Variants in CRTC3 observed in about 807,000 individuals in gnomAD.
CRTC3 encodes CREB-regulated transcription coactivator 3.
Under a neutral mutation model 74.5 loss-of-function variants are expected in CRTC3, and 26 were observed. That is an observed-to-expected ratio of 0.35 (90% CI 0.26 to 0.48). CRTC3 has a LOEUF of 0.48. Ranked by LOEUF, CRTC3 falls within the 20% of genes least tolerant of loss-of-function variation. CRTC3 has a pLI of 0.99. For synonymous variants in CRTC3, 377 were observed against 325.8 expected (o/e 1.16, Z -1.69); for missense variants, 760 against 787.3 (o/e 0.97, Z 0.41).
intron 10 of CRTC3, among the ~76,000 whole-genome samples, chr15:90,627,061 GT>G (rs1248653600): frequency 2.0e-5 from 3 of 152,226 alleles, no homozygotes; most frequent in African/African-American, 7.2e-5. Context: ...TGAAAGCAGT[GT>G]TTGCTGCCTT....
intron 2 of CRTC3, among the ~76,000 whole-genome samples, chr15:90,564,431 C>A (rs1013452465): frequency 1.3e-5 from 2 of 152,166 alleles, no homozygotes; most frequent in African/African-American, 4.8e-5. Context: ...TTCTTAGGAA[C>A]TACTGAAGCT....
chr15:90,623,896 C>T (rs1456860956), intron 9 of CRTC3, among the ~76,000 whole-genome samples: 1 of 152,218 alleles, frequency 6.6e-6, no homozygotes, highest in East Asian at 1.9e-4. Context: ...CACCTCCCTG[C>T]TTTTGCGCAT....
chr15:90,576,749 A>C (rs1419686719), intron 2 of CRTC3, among the ~76,000 whole-genome samples: 2 of 152,214 alleles, frequency 1.3e-5, no homozygotes, highest in Non-Finnish European at 2.9e-5. Flanking sequence ...CCAGTGTTCC[A>C]AGAGGTCAGG....
intron 2 of CRTC3, among the ~76,000 whole-genome samples, chr15:90,573,714 TC>T (rs1967332382): frequency 6.6e-6 from 1 of 152,232 alleles, no homozygotes; most frequent in African/African-American, 2.4e-5. Flanking sequence ...TGTAATATGT[TC>T]TTTGATTTTA....
intron 2 of CRTC3, among the ~76,000 whole-genome samples, chr15:90,591,186 A>G (rs1967792280): frequency 1.3e-5 from 2 of 150,240 alleles, no homozygotes; most frequent in Non-Finnish European, 3.0e-5. Context: ...CTGGTCTTGA[A>G]CTCCTGGCCT....
At chr15:90,607,174 G>A (rs771316545) in intron 5 of CRTC3, among the ~76,000 whole-genome samples, 1 of 152,218 alleles carries the variant, frequency 6.6e-6, no homozygotes, top group Non-Finnish European at 1.5e-5. Context: ...ATGAGTCTAA[G>A]TTAAAATATT....
chr15:90,602,893 G>C (rs1444913290), intron 4 of CRTC3, among the ~76,000 whole-genome samples: 1 of 151,998 alleles, frequency 6.6e-6, no homozygotes, highest in Non-Finnish European at 1.5e-5. Context: ...AGAGTTGCTT[G>C]AACCAGAGAG....
intron 2 of CRTC3, among the ~76,000 whole-genome samples, chr15:90,591,227 G>T (rs546469115): frequency 1.3e-5 from 2 of 151,956 alleles, no homozygotes; most frequent in Admixed American, 1.3e-4. Flanking sequence ...TGCTCCCAAA[G>T]TGCTGGGACT....
At chr15:90,566,551 TAA>T (rs71154113) in intron 2 of CRTC3, among the ~76,000 whole-genome samples, 4 of 143,402 alleles carry the variant, frequency 2.8e-5, no homozygotes, top group East Asian at 2.1e-4. Flanking sequence ...CTCTGTCTAT[TAA>T]AAAAAAAAAA....
intron 1 of CRTC3, among the ~76,000 whole-genome samples, chr15:90,538,098 C>A (rs1446624705): frequency 6.6e-6 from 1 of 152,328 alleles, no homozygotes; most frequent in African/African-American, 2.4e-5. Context: ...ATACATTCAT[C>A]TTAGTAAGCC....
rs1264960698 is a variant in CRTC3 at position 90,626,007 on chromosome 15, G to T, written c.967+14G>T. On this transcript the variant is annotated intron_variant, in intron 10 of 14. Coordinates refer to ENST00000268184, the MANE Select transcript of CRTC3 (RefSeq NM_022769.5). ...GAAGCTCCTCTGGTGAGTATCTCCT[G>T]CTTAGCAGTGACCTGGTGGCTTAAT... 6.2e-7 allele frequency: 1 copy of T among 1,603,432 alleles called. No homozygotes were observed. Among genetic ancestry groups the T allele is most frequent in the Non-Finnish European group, 8.5e-7 (1 of 1,170,222 alleles).
intron 2 of CRTC3, among the ~76,000 whole-genome samples, chr15:90,568,626 C>T (rs1385708693): frequency 3.7e-5 from 3 of 80,500 alleles, no homozygotes; most frequent in African/African-American, 6.2e-5. Context: ...GCTGGGATTA[C>T]AGACCTATTG....
At chr15:90,553,018 G>A (rs1038427687) in intron 2 of CRTC3, among the ~76,000 whole-genome samples, 1 of 152,178 alleles carries the variant, frequency 6.6e-6, no homozygotes, top group African/African-American at 2.4e-5. Context: ...AATACTGTTA[G>A]ATGTAATGAG....
intron 6 of CRTC3, among the ~76,000 whole-genome samples, chr15:90,609,363 G>A (rs1279880636): frequency 6.6e-6 from 1 of 152,158 alleles, no homozygotes; most frequent in African/African-American, 2.4e-5. Flanking sequence ...TTAGTTTCAG[G>A]ATAGGTAGAG....
chr15:90,560,574 A>G (rs763568874), intron 2 of CRTC3, among the ~76,000 whole-genome samples: 1 of 152,240 alleles, frequency 6.6e-6, no homozygotes, highest in Non-Finnish European at 1.5e-5. Flanking sequence ...AGGCAGCCTC[A>G]GAAACTAGAC....
At chr15:90,610,540 A>G (rs1326991092) in intron 6 of CRTC3, among the ~76,000 whole-genome samples, 3 of 152,246 alleles carry the variant, frequency 2.0e-5, no homozygotes, top group Non-Finnish European at 4.4e-5. Flanking sequence ...TTCCATGACA[A>G]TTAGGCATAA....
intron 3 of CRTC3, among the ~76,000 whole-genome samples, chr15:90,596,643 A>G (rs1967934028): frequency 6.6e-6 from 1 of 152,140 alleles, no homozygotes; most frequent in Non-Finnish European, 1.5e-5. Context: ...GGTCCGTGAA[A>G]TGGGATGATT....
At chr15:90,607,310 A>G (rs905746884) in intron 5 of CRTC3, 68 bp from the exon 6 acceptor site, 3 of 904,242 alleles carry the variant, frequency 3.3e-6, no homozygotes, top group Non-Finnish European at 5.3e-6. Context: ...GGTAATATTC[A>G]ACAAAGACTA....
chr15:90,549,763 C>T (rs986545543), intron 2 of CRTC3, among the ~76,000 whole-genome samples: 6 of 146,174 alleles, frequency 4.1e-5, no homozygotes, highest in Non-Finnish European at 5.9e-5. Flanking sequence ...AGTGCAGAAG[C>T]GTGATCTCAG....
Sources: gnomAD v4.1 joint callset for allele counts (sites outside exome capture counted in the v4.1 genomes callset) on GRCh38, gnomAD v4.1.1 for gene constraint, MANE v1.5 for transcripts, NCBI Gene and HGNC (gene_info 2026-07-23, HGNC 2026-07-21) for gene names.